PCCA: variants seen among roughly 807,000 people sequenced by gnomAD.
PCCA encodes the protein propionyl-CoA carboxylase alpha chain, mitochondrial.
A neutral mutation model predicts 101.3 loss-of-function variants in PCCA; 74 were observed. That is an observed-to-expected ratio of 0.73 (90% CI 0.61 to 0.89). The LOEUF (loss-of-function observed/expected upper bound fraction) is 0.89, where lower values mean the gene tolerates loss of function less well. Ranked by LOEUF, PCCA falls within the 40% of genes least tolerant of loss-of-function variation. The probability of loss-of-function intolerance (pLI) is 0.00; values close to 1 mark genes in which losing one functional copy is unlikely to be tolerated. For missense variants in PCCA, 891 were observed against 907.0 expected (o/e 0.98, Z 0.23); for synonymous variants, 294 against 313.6 (o/e 0.94, Z 0.66).
At chr13:100,115,476 A>G (rs2048717734) in intron 4 of PCCA, among the ~76,000 whole-genome samples, 1 of 152,166 alleles carries the variant, frequency 6.6e-6, no homozygotes, top group Admixed American at 6.5e-5. Context: ...TGGCTACCCC[A>G]TTTATCCTGA....
intron 21 of PCCA, chr13:100,490,513 A>T (rs985008860): frequency 6.6e-6 from 1 of 152,264 alleles, no homozygotes; most frequent in Non-Finnish European, 1.5e-5. Flanking sequence ...ATCAGAGCCA[A>T]CATCTGATGA....
chr13:100,104,820 C>T (rs947026310), intron 2 of PCCA, among the ~76,000 whole-genome samples: 2 of 152,144 alleles, frequency 1.3e-5, no homozygotes, highest in African/African-American at 2.4e-5. Flanking sequence ...TCTCTTGCCT[C>T]AGCCTCCCGA....
At chr13:100,315,052 T>A (rs540447127) in intron 16 of PCCA, among the ~76,000 whole-genome samples, 3 of 152,294 alleles carry the variant, frequency 2.0e-5, no homozygotes, top group South Asian at 4.1e-4. Context: ...AATGACATCT[T>A]GTCTGCAACT....
intron 21 of PCCA, among the ~76,000 whole-genome samples, chr13:100,506,353 A>G (rs959831913): frequency 2.4e-5 from 3 of 126,254 alleles, no homozygotes; most frequent in African/African-American, 9.0e-5. Context: ...CATTTCTGCT[A>G]CTTCAGACCA....
rs940794849 is a variant in PCCA, at chr13:100,301,720, C to T, written c.1209+117C>T. On this transcript the variant is annotated intron_variant, in intron 13 of 23. Coordinates refer to ENST00000376285, the MANE Select transcript of PCCA (RefSeq NM_000282.4). ...TATAATGTTGCCAACTATTGGATTA[C>T]GTAATCCATAATTAAATCAGAAAAA... 90 of 1,154,578 alleles carry T rather than the reference C, an allele frequency of 7.8e-5. No homozygotes were observed. In the East Asian group the frequency reaches 8.7e-4, roughly 11 times the overall value. The allele number at this position is 1,154,578 out of a possible 1,614,324, so 71.5% of individuals were successfully genotyped here. A position where few individuals can be genotyped will look rare whatever the true frequency, so the allele number is the denominator to read the frequency against.
chr13:100,209,912 G>GT (rs2059106919), intron 7 of PCCA, among the ~76,000 whole-genome samples: 1 of 151,834 alleles, frequency 6.6e-6, no homozygotes, highest in Non-Finnish European at 1.5e-5. Context: ...GATTACAGGC[G>GT]TGAGTCACTG....
At chr13:100,186,090 C>G (rs2057241239) in intron 6 of PCCA, among the ~76,000 whole-genome samples, 1 of 152,154 alleles carries the variant, frequency 6.6e-6, no homozygotes, top group Non-Finnish European at 1.5e-5. Flanking sequence ...GTTAAAATAG[C>G]TTTGAATCAA....
intron 4 of PCCA, among the ~76,000 whole-genome samples, chr13:100,112,459 T>A (rs1217199231): frequency 6.6e-6 from 1 of 152,146 alleles, no homozygotes; most frequent in Non-Finnish European, 1.5e-5. Flanking sequence ...TGCTTCAACG[T>A]GTTCAGCTGA....
rs532521156 is a variant in PCCA, at chr13:100,504,731, T to G, written c.1900-10696T>G. On this transcript the variant is annotated intron_variant, in intron 21 of 23. Coordinates refer to ENST00000376285, the MANE Select transcript of PCCA (RefSeq NM_000282.4). ...GTGGGCAGATCAAGAGGTCAAGAGA[T>G]TGAGATCACCCTGGCTAACATGGTG... Among the ~76,000 whole-genome samples, 3 of 152,158 alleles carry G rather than the reference T, an allele frequency of 2.0e-5. No individual in the cohort carries two copies. The South Asian group carries it at 6.2e-4, about 32-fold the overall frequency.
At chr13:100,484,499 A>G (rs1472927121) in intron 21 of PCCA, among the ~76,000 whole-genome samples, 1 of 152,234 alleles carries the variant, frequency 6.6e-6, no homozygotes, top group Admixed American at 6.5e-5. Flanking sequence ...CTGCACTCCC[A>G]TTCTAGACTT....
At chr13:100,437,014 T>C (rs949295969) in intron 20 of PCCA, among the ~76,000 whole-genome samples, 1 of 152,132 alleles carries the variant, frequency 6.6e-6, no homozygotes, top group African/African-American at 2.4e-5. Flanking sequence ...CCTGTTGGCC[T>C]CTGTTTGCTC....
intron 19 of PCCA, among the ~76,000 whole-genome samples, chr13:100,401,472 G>C (rs992414096): frequency 6.6e-6 from 1 of 152,038 alleles, no homozygotes; most frequent in Non-Finnish European, 1.5e-5. Context: ...TCGAACTCGT[G>C]ACCTTGTGAT....
At chr13:100,398,002 A>G (rs534526926) in intron 19 of PCCA, among the ~76,000 whole-genome samples, 1 of 152,338 alleles carries the variant, frequency 6.6e-6, no homozygotes, top group Non-Finnish European at 1.5e-5. Flanking sequence ...GTTCAGCGTG[A>G]TTAGAAGAAG....
intron 6 of PCCA, among the ~76,000 whole-genome samples, chr13:100,176,791 CAG>C (rs1369244153): frequency 1.2e-4 from 18 of 152,040 alleles, no homozygotes; most frequent in Non-Finnish European, 2.4e-4. Context: ...AGAGTTTTAA[CAG>C]AGGAGCAACA....
chr13:100,364,219 A>C (rs1282682053), intron 18 of PCCA, among the ~76,000 whole-genome samples: 1 of 152,206 alleles, frequency 6.6e-6, no homozygotes, highest in East Asian at 1.9e-4. Context: ...GTTAAAGGAA[A>C]CTGTATCATT....
chr13:100,437,033 A>G (rs2079985303), intron 20 of PCCA, among the ~76,000 whole-genome samples: 1 of 152,150 alleles, frequency 6.6e-6, no homozygotes, highest in Admixed American at 6.5e-5. Flanking sequence ...TCTGGGTAGC[A>G]CCTCGGCTGT....
intron 14 of PCCA, among the ~76,000 whole-genome samples, chr13:100,305,364 TTAAG>T (rs2066366367): frequency 6.6e-6 from 1 of 152,222 alleles, no homozygotes; most frequent in Non-Finnish European, 1.5e-5. Flanking sequence ...AACTGAAGTT[TTAAG>T]TAAGGAACTG....
At position 100,168,849 on chromosome 13, in the gene PCCA, T is replaced by C. The variant is rs116296206; in HGVS notation, c.468+11509T>C. Among the ~76,000 whole-genome samples, 444 of 152,308 alleles carry C rather than the reference T, an allele frequency of 2.9e-3. 2 individuals are homozygous for C. The highest frequency in any genetic ancestry group is 9.8e-3 in the African/African-American group (408 of 41,550). On this transcript the variant is annotated intron_variant, in intron 6 of 23. Transcript: ENST00000376285. ...TTGATTCCTGGCAAGTGAGGGGACC[T>C]TTCAAGAAAAGGTTTCTTTTCATTG...
intron 16 of PCCA, among the ~76,000 whole-genome samples, chr13:100,327,286 C>T (rs993095769): frequency 6.6e-6 from 1 of 152,132 alleles, no homozygotes; most frequent in African/African-American, 2.4e-5. Flanking sequence ...GGCTCGTTTG[C>T]ATGTCCTAAA....
Sources: allele counts gnomAD v4.1 joint callset (sites outside exome capture counted in the v4.1 genomes callset), GRCh38; gene constraint gnomAD v4.1.1; transcripts MANE v1.5; gene names NCBI Gene and HGNC (gene_info 2026-07-23, HGNC 2026-07-21).